The following NRCAM variants were observed in gnomAD, a reference collection of about 807,000 sequenced individuals.
The protein encoded by NRCAM is neuronal cell adhesion molecule, also known as NgCAM-related cell adhesion molecule.
Under a neutral mutation model 156.5 loss-of-function variants are expected in NRCAM, and 83 were observed. That is an observed-to-expected ratio of 0.53 (90% CI 0.44 to 0.64). NRCAM has a LOEUF of 0.64. Among genes scored for constraint, NRCAM ranks in the 30% least tolerant of loss-of-function variants. NRCAM has a pLI of 0.00. For synonymous variants in NRCAM, 538 were observed against 563.9 expected, an observed-to-expected ratio of 0.95 and a Z score of 0.65; for missense variants, 1,417 against 1,597.3, an observed-to-expected ratio of 0.89 and a Z score of 1.92.
chr7:108,375,835 G>A (rs967845264), intron 2 of NRCAM, among the ~76,000 whole-genome samples: 1 of 152,160 alleles, frequency 6.6e-6, no homozygotes, highest in Non-Finnish European at 1.5e-5. Context: ...TCTTGTAGAG[G>A]AAATAATGTG....
intron 3 of NRCAM, among the ~76,000 whole-genome samples, chr7:108,294,969 C>T (rs578166045): frequency 3.9e-4 from 60 of 152,242 alleles, no homozygotes; most frequent in African/African-American, 1.4e-3. Flanking sequence ...ACATGAAAAA[C>T]GTTTTGTCTA....
At chr7:108,413,342 C>G (rs1597066762) in intron 1 of NRCAM, among the ~76,000 whole-genome samples, 2 of 152,154 alleles carry the variant, frequency 1.3e-5, no homozygotes, top group Admixed American at 1.3e-4. Context: ...TGAAAAATGT[C>G]TATTCAGGTG....
chr7:108,217,127 T>C (rs567957876), intron 11 of NRCAM, among the ~76,000 whole-genome samples: 1 of 152,366 alleles, frequency 6.6e-6, no homozygotes, highest in South Asian at 2.1e-4. Flanking sequence ...TTGTTGATGC[T>C]GATGCTATTT....
At chr7:108,273,553 A>G (rs924242182) in intron 3 of NRCAM, among the ~76,000 whole-genome samples, 3 of 152,146 alleles carry the variant, frequency 2.0e-5, no homozygotes, top group Non-Finnish European at 4.4e-5. Flanking sequence ...CTTCTTTTGA[A>G]AAATGTCCAT....
rs545946622 is a variant in NRCAM, at chr7:108,291,107, TAGA to T, written c.-107+21555_-107+21557del. Among the ~76,000 whole-genome samples the T allele has an allele frequency of 5.6e-4, 86 of 152,228 alleles. 1 individual carries two copies. Among genetic ancestry groups the T allele is most frequent in the African/African-American group, 2.1e-3 (86 of 41,538 alleles). On this transcript the variant is annotated intron_variant, in intron 3 of 32. Transcript: ENST00000379028. Reference sequence around the variant, plus strand: ...CACTCAGTCGTTGACAGATAAAATATAGAAGATCAAAAGAAAAGGGCTGCATTT... The same window carrying T: ...CACTCAGTCGTTGACAGATAAAATATAGATCAAAAGAAAAGGGCTGCATTT...
At chr7:108,207,712 G>A in intron 12 of NRCAM, 53 bp from the exon 13 acceptor site, 1 of 1,505,420 alleles carries the variant, frequency 6.6e-7, no homozygotes, top group South Asian at 1.2e-5. Context: ...AAGCATTTTA[G>A]CAAAAGAACA....
intron 2 of NRCAM, among the ~76,000 whole-genome samples, chr7:108,342,834 T>C (rs1309416109): frequency 2.6e-5 from 4 of 152,212 alleles, no homozygotes; most frequent in African/African-American, 7.2e-5. Flanking sequence ...CATCTCATGA[T>C]GTGAATGGCA....
At position 108,163,637 on chromosome 7, in the gene NRCAM, A is replaced by C. The variant is rs377737169; in HGVS notation, c.3467-3145T>G. Among the ~76,000 whole-genome samples the C allele has an allele frequency of 8.5e-5, 13 of 152,232 alleles. No homozygotes were observed. The East Asian group carries it at 1.9e-3, about 23-fold the overall frequency. ...GATGATAAGAAAGACTGGGTAATTG[A>C]GGGACAGAGGTAAAAGAGGAAGGGG... On this transcript the variant is annotated intron_variant, in intron 30 of 32. Transcript: ENST00000379028.
intron 22 of NRCAM, 41 bp from the exon 23 acceptor site, chr7:108,182,961 CAACTGCACAATCTTTTACAGG>C (rs1239153078): frequency 4.0e-6 from 6 of 1,499,414 alleles, no homozygotes; most frequent in Non-Finnish European, 4.6e-6. Context: ...TAACACAAAT[CAACTGCACAATCTTTTACAGG>C]AACAGCAAAT....
chr7:108,281,143 T>C (rs73201503), intron 3 of NRCAM, among the ~76,000 whole-genome samples: 6,050 of 152,226 alleles, frequency 0.04, 176 homozygotes, highest in South Asian at 0.12. Context: ...AATTATAAAA[T>C]ATAAATCTAC....
In NRCAM at chr7:108,195,848, G is replaced by A. The variant is rs1274210752; in HGVS notation, c.1376C>T (p.Pro459Leu). 1.2e-6 allele frequency: 2 copies of A among 1,613,018 alleles called. No homozygotes were observed. Among genetic ancestry groups the A allele is most frequent in the Admixed American group, 3.3e-5 (2 of 59,938 alleles). ...AATGACCTGGTAGAGTGTGTTTGCA[G>A]GTGTGAGGATTCGTGGTGGCTCAGC... ...VLAEPPRILT[P>L]ANTLYQVIAN... Residue 459 changes from proline (P) to leucine (L), a missense_variant, in exon 15 of 33, where the codon CCT becomes CTT. Around this residue, in one of 2 missense-constraint regions of NRCAM, gnomAD observed 1,238 missense variants for 1,336.4 expected, o/e 0.93. Transcript: ENST00000379028.
intron 3 of NRCAM, among the ~76,000 whole-genome samples, chr7:108,288,884 C>A (rs2154114290): frequency 6.6e-6 from 1 of 152,170 alleles, no homozygotes; most frequent in South Asian, 2.1e-4. Flanking sequence ...TTATTCATTT[C>A]TTTGGCTAAC....
chr7:108,231,208 G>C (rs1345942801), intron 7 of NRCAM, 55 bp from the exon 8 acceptor site: 3 of 1,376,436 alleles, frequency 2.2e-6, no homozygotes, highest in Non-Finnish European at 2.9e-6. Flanking sequence ...AGTACAAAAA[G>C]AAAGCCCTAC....
chr7:108,415,826 G>A (rs1050339337), intron 1 of NRCAM, among the ~76,000 whole-genome samples: 5 of 152,244 alleles, frequency 3.3e-5, no homozygotes, highest in African/African-American at 4.8e-5. Context: ...AGGTTGCAGT[G>A]AGCTGATATC....
At chr7:108,159,983 T>C (rs1227407416) in intron 31 of NRCAM, among the ~76,000 whole-genome samples, 1 of 152,120 alleles carries the variant, frequency 6.6e-6, no homozygotes, top group Non-Finnish European at 1.5e-5. Context: ...GAAAGCAATG[T>C]TACACATCAC....
chr7:108,174,671 G>A (rs1446287123), intron 28 of NRCAM, among the ~76,000 whole-genome samples: 1 of 152,244 alleles, frequency 6.6e-6, no homozygotes, highest in East Asian at 1.9e-4. Context: ...AAAATCCATT[G>A]TGGATTGTTG....
intron 16 of NRCAM, 31 bp downstream of exon 16, chr7:108,194,231 T>C: frequency 6.2e-7 from 1 of 1,610,422 alleles, no homozygotes; most frequent in African/African-American, 1.3e-5. Context: ...TCAAAGTCAT[T>C]TAAAAATTAA....
At chr7:108,379,258 T>C (rs1033085133) in intron 2 of NRCAM, among the ~76,000 whole-genome samples, 3 of 152,142 alleles carry the variant, frequency 2.0e-5, no homozygotes, top group African/African-American at 7.2e-5. Flanking sequence ...AAAAAGTAAG[T>C]GTGGTAACAA....
intron 3 of NRCAM, among the ~76,000 whole-genome samples, chr7:108,269,778 A>G (rs576575237): frequency 6.6e-6 from 1 of 152,330 alleles, no homozygotes; most frequent in Non-Finnish European, 1.5e-5. Context: ...TGCAAGTTAG[A>G]ATTTCTTTCA....
Sources: gnomAD v4.1 joint callset for allele counts (sites outside exome capture counted in the v4.1 genomes callset) on GRCh38, gnomAD v4.1.1 for gene constraint, gnomAD v4.1.1 regional missense constraint, MANE v1.5 for transcripts, NCBI Gene and HGNC (gene_info 2026-07-23, HGNC 2026-07-21) for gene names.